ADGB: variants seen among roughly 807,000 people sequenced by gnomAD.
ADGB encodes androglobin.
Under a neutral mutation model 210.5 loss-of-function variants are expected in ADGB, and 172 were observed. That is an observed-to-expected ratio of 0.82 (90% CI 0.72 to 0.93). ADGB has a LOEUF of 0.93. Ranked by LOEUF, ADGB falls within the 40% of genes least tolerant of loss-of-function variation. ADGB has a pLI of 0.00. For missense variants in ADGB, 2,025 were observed against 1,964.8 expected (o/e 1.03, Z -0.58); for synonymous variants, 658 against 662.7 (o/e 0.99, Z 0.11).
chr6:146,703,707 G>A (rs549598698), intron 13 of ADGB, among the ~76,000 whole-genome samples: 1 of 151,922 alleles, frequency 6.6e-6, no homozygotes, highest in East Asian at 1.9e-4. Context: ...TTCATCTGTG[G>A]ATGGACAATT....
At chr6:146,743,379 C>G (rs779744082) in intron 25 of ADGB, among the ~76,000 whole-genome samples, 2 of 152,122 alleles carry the variant, frequency 1.3e-5, no homozygotes, top group South Asian at 4.1e-4. Flanking sequence ...ATCTAGCATA[C>G]CTCCTTGGGT....
intron 12 of ADGB, among the ~76,000 whole-genome samples, chr6:146,696,529 C>T (rs1393588167): frequency 6.7e-6 from 1 of 149,306 alleles, no homozygotes; most frequent in Admixed American, 6.6e-5. Flanking sequence ...AGAGGATTAA[C>T]TAGAAAGGGC....
At chr6:146,787,505 T>C (rs1206814668) in intron 32 of ADGB, among the ~76,000 whole-genome samples, 8 of 142,614 alleles carry the variant, frequency 5.6e-5, no homozygotes, top group African/African-American at 1.6e-4. Flanking sequence ...TAGGTTCAAC[T>C]TACTGGAATA....
At chr6:146,814,918 T>A (rs1317435932) in intron 35 of ADGB, 114 bp from the exon 36 acceptor site, 1 of 941,738 alleles carries the variant, frequency 1.1e-6, no homozygotes, top group Non-Finnish European at 1.5e-6. Flanking sequence ...TCAATCATTT[T>A]GCCTATGAAT....
At chr6:146,755,766 T>C (rs1320124717) in intron 27 of ADGB, among the ~76,000 whole-genome samples, 1 of 144,776 alleles carries the variant, frequency 6.9e-6, no homozygotes. Context: ...TCACATTATA[T>C]TTCTTAATTG....
At chr6:146,669,660 T>C (rs939226796) in intron 7 of ADGB, among the ~76,000 whole-genome samples, 3 of 152,136 alleles carry the variant, frequency 2.0e-5, no homozygotes, top group African/African-American at 7.2e-5. Context: ...CTCAGGCTTC[T>C]TGGATAGTTC....
intron 18 of ADGB, 103 bp from the exon 19 acceptor site, chr6:146,725,980 C>T: frequency 1.6e-6 from 1 of 643,384 alleles, no homozygotes; most frequent in Non-Finnish European, 2.7e-6. Context: ...TCTTCCCTAA[C>T]CTTTTACTTC....
intron 20 of ADGB, among the ~76,000 whole-genome samples, chr6:146,729,416 T>C (rs1423183631): frequency 6.6e-6 from 1 of 152,174 alleles, no homozygotes; most frequent in Non-Finnish European, 1.5e-5. Flanking sequence ...CGTCAGGTCA[T>C]GTACTTTTAT....
chr6:146,776,937 C>G (rs1777730634), intron 29 of ADGB, among the ~76,000 whole-genome samples: 1 of 151,972 alleles, frequency 6.6e-6, no homozygotes, highest in Non-Finnish European at 1.5e-5. Context: ...GAATTCACCT[C>G]TAGGTCATTT....
chr6:146,611,766 A>G (rs1253081993), intron 1 of ADGB, among the ~76,000 whole-genome samples: 1 of 151,720 alleles, frequency 6.6e-6, no homozygotes, highest in Non-Finnish European at 1.5e-5. Context: ...TTCCTGATGC[A>G]TCTAGTCAGC....
intron 13 of ADGB, among the ~76,000 whole-genome samples, chr6:146,702,127 C>T (rs1401312106): frequency 6.6e-6 from 1 of 151,612 alleles, no homozygotes; most frequent in Non-Finnish European, 1.5e-5. Flanking sequence ...CTATGAGCTT[C>T]ATTGGATATC....
chr6:146,780,990 A>G (rs530732050), intron 29 of ADGB, among the ~76,000 whole-genome samples: 1 of 152,184 alleles, frequency 6.6e-6, no homozygotes, highest in East Asian at 1.9e-4. Context: ...ATATTATACA[A>G]ATATGTTTTC....
At chr6:146,708,839 A>T (rs1776616363) in intron 13 of ADGB, among the ~76,000 whole-genome samples, 1 of 151,868 alleles carries the variant, frequency 6.6e-6, no homozygotes, top group Admixed American at 6.6e-5. Context: ...AACTCCTATC[A>T]CTCAAATATT....
At chr6:146,762,160 G>GA (rs1777502357) in intron 27 of ADGB, among the ~76,000 whole-genome samples, 1 of 151,858 alleles carries the variant, frequency 6.6e-6, no homozygotes, top group Non-Finnish European at 1.5e-5. Context: ...TTTTTTTGGG[G>GA]GGGTCACTAT....
Position 146,656,794 on chromosome 6 carries a change from A to C in ADGB, c.426A>C (p.Glu142Asp). ...CSELMRWIIS[E>D]IYAVWKIFNG... Reference sequence around the variant, plus strand: ...AGCTGATGAGATGGATTATCAGTGAAATCTATGCAGTGTGGAAGATCTTCA... The same window carrying C: ...AGCTGATGAGATGGATTATCAGTGACATCTATGCAGTGTGGAAGATCTTCA... Residue 142 changes from glutamate to aspartate, a missense_variant, in exon 5 of 36, where the codon GAA becomes GAC. Physicochemically the swap from Glu to Asp is conservative, Grantham distance 45 (BLOSUM62 2). Transcript: ENST00000397944. 6.5e-7 allele frequency: 1 copy of C among 1,545,868 alleles called. No individual in the cohort carries two copies. The highest frequency in any genetic ancestry group is 8.7e-7 in the Non-Finnish European group (1 of 1,144,348).
In ADGB at chr6:146,654,103, T is replaced by G. The variant is rs535139248; in HGVS notation, c.331-32T>G. 2.3e-5 allele frequency: 29 copies of G among 1,256,198 alleles called. No homozygotes were observed. In the East Asian group the frequency reaches 7.2e-4, roughly 31 times the overall value. The allele number at this position is 1,256,198 out of a possible 1,614,324, so 77.8% of individuals were successfully genotyped here. A position where few individuals can be genotyped will look rare whatever the true frequency, so the allele number is the denominator to read the frequency against. On this transcript the variant is annotated intron_variant, in intron 3 of 35. Coordinates refer to ENST00000397944, the MANE Select transcript of ADGB (RefSeq NM_024694.4). ...AATTACTTTTTTATTATTTTTCTTA[T>G]GGAGTAATATATACATATATATTTT...
intron 11 of ADGB, 103 bp downstream of exon 11, chr6:146,691,393 C>A: frequency 2.4e-6 from 1 of 420,040 alleles, no homozygotes; most frequent in Non-Finnish European, 3.4e-6. Context: ...CCCAACATTG[C>A]TTCTAAAGCC....
chr6:146,796,136 C>T (rs1554258029), intron 33 of ADGB, among the ~76,000 whole-genome samples: 1 of 151,962 alleles, frequency 6.6e-6, no homozygotes, highest in Non-Finnish European at 1.5e-5. Context: ...TTTACCTAAC[C>T]AAGGAGGTGA....
At chr6:146,784,501 A>C in intron 30 of ADGB, 117 bp from the exon 31 acceptor site, 1 of 851,782 alleles carries the variant, frequency 1.2e-6, no homozygotes. Flanking sequence ...TTGTGAATAT[A>C]TGTTTTCATT....
Sources: gnomAD v4.1 joint callset for allele counts (sites outside exome capture counted in the v4.1 genomes callset) on GRCh38, gnomAD v4.1.1 for gene constraint, MANE v1.5 for transcripts, NCBI Gene and HGNC (gene_info 2026-07-23, HGNC 2026-07-21) for gene names.